The following YWHAQ variants were observed in gnomAD, a reference collection of about 807,000 sequenced individuals.
The protein encoded by YWHAQ is 14-3-3 protein theta.
A neutral mutation model predicts 28.3 loss-of-function variants in YWHAQ; 6 were observed. That is an observed-to-expected ratio of 0.21 (90% CI 0.12 to 0.42). The LOEUF (loss-of-function observed/expected upper bound fraction) is 0.42. Among genes scored for constraint, YWHAQ ranks in the 10% least tolerant of loss-of-function variants. The pLI is 1.00. For synonymous variants in YWHAQ, 143 were observed against 119.1 expected (o/e 1.20, Z -1.31); for missense variants, 201 against 305.6 (o/e 0.66, Z 2.55).
intron 2 of YWHAQ, among the ~76,000 whole-genome samples, chr2:9,601,712 C>A (rs531489517): frequency 6.6e-6 from 1 of 152,156 alleles, no homozygotes; most frequent in South Asian, 2.1e-4. Context: ...GTGGTGTGAT[C>A]TTAGCTCATT....
rs1348748494 is a variant in YWHAQ at position 9,630,932 on chromosome 2, G to A, written c.-83+9C>T. 1.3e-5 allele frequency: 2 copies of A among 152,758 alleles called. No individual in the cohort carries two copies. The highest frequency in any genetic ancestry group is 4.8e-5 in the African/African-American group (2 of 41,456). 9.5% of individuals were successfully genotyped at this position (152,758 alleles called of 1,614,324 possible). On this transcript the variant is annotated intron_variant, in intron 1 of 5. Coordinates refer to ENST00000238081, the MANE Select transcript of YWHAQ (RefSeq NM_006826.4). The surrounding 1 kb of genome is among the most constrained non-coding windows in gnomAD (Gnocchi z 5.6). ...CGGAGGAAGCCCGCGGGCCGACCCA[G>A]GCGCTCACCTTCACGTCTCCGCGGC...
Position 9,600,475 on chromosome 2 carries a change from G to T in YWHAQ, c.295-8960C>A, listed in dbSNP as rs189081994. ...TAATCCCAGCACTTGAGAGGCCCAA[G>T]CGGGCAGATCACCTGAGGTCAGGAG... On this transcript the variant is annotated intron_variant, in intron 2 of 5. Transcript: ENST00000238081. 9.9e-4 allele frequency among the ~76,000 whole-genome samples: 151 copies of T among 152,254 alleles called. 1 individual carries two copies. Among genetic ancestry groups the T allele is most frequent in the African/African-American group, 3.3e-3 (138 of 41,556 alleles).
intron 2 of YWHAQ, among the ~76,000 whole-genome samples, chr2:9,592,241 T>C (rs543427295): frequency 6.6e-6 from 1 of 152,324 alleles, no homozygotes; most frequent in South Asian, 2.1e-4. Context: ...AGAATAATTT[T>C]AGGTCTACGA....
At chr2:9,629,598 C>A (rs1194692196) in intron 2 of YWHAQ, among the ~76,000 whole-genome samples, 1 of 151,910 alleles carries the variant, frequency 6.6e-6, no homozygotes, top group African/African-American at 2.4e-5. Context: ...TCAGATACAG[C>A]TGTGTCCTTT....
chr2:9,611,736 T>C (rs922925620), intron 2 of YWHAQ, among the ~76,000 whole-genome samples: 9 of 152,208 alleles, frequency 5.9e-5, no homozygotes, highest in African/African-American at 2.2e-4. Flanking sequence ...AGTGGTGCGA[T>C]GTCAGCTCAC....
intron 2 of YWHAQ, among the ~76,000 whole-genome samples, chr2:9,615,042 G>A (rs1055985012): frequency 3.3e-5 from 5 of 152,072 alleles, no homozygotes; most frequent in African/African-American, 9.7e-5. Context: ...AGTACATAGA[G>A]GAAAAAATAA....
intron 2 of YWHAQ, among the ~76,000 whole-genome samples, chr2:9,606,911 G>C (rs1157972619): frequency 6.7e-6 from 1 of 149,400 alleles, no homozygotes; most frequent in Non-Finnish European, 1.5e-5. Context: ...TTGAGACAGA[G>C]TCTCACTCTG....
At chr2:9,614,852 C>A (rs1667015086) in intron 2 of YWHAQ, among the ~76,000 whole-genome samples, 1 of 152,114 alleles carries the variant, frequency 6.6e-6, no homozygotes, top group Non-Finnish European at 1.5e-5. Context: ...CCCTTCCTGC[C>A]TCTAGTCTAT....
chr2:9,617,054 G>A (rs927201691), intron 2 of YWHAQ, among the ~76,000 whole-genome samples: 1 of 152,138 alleles, frequency 6.6e-6, no homozygotes, highest in South Asian at 2.1e-4. Flanking sequence ...TCCGCCTCCT[G>A]GGTTCACGCC....
At chr2:9,625,818 G>A (rs1667237988) in intron 2 of YWHAQ, among the ~76,000 whole-genome samples, 1 of 152,184 alleles carries the variant, frequency 6.6e-6, no homozygotes, top group Non-Finnish European at 1.5e-5. Context: ...ACAGAAGAGA[G>A]AGAGTCTGAG....
intron 2 of YWHAQ, among the ~76,000 whole-genome samples, chr2:9,602,845 AAAAAAAAAAAAAAAAAAATATATAT>A (rs1160754012): frequency 2.5e-3 from 77 of 30,990 alleles, no homozygotes; most frequent in Middle Eastern, 0.019. Context: ...AAAAAAAAAA[AAAAAAAAAAAAAAAAAAATATATAT>A]ATATATATAT....
At chr2:9,598,114 G>A (rs1666615929) in intron 2 of YWHAQ, among the ~76,000 whole-genome samples, 1 of 149,930 alleles carries the variant, frequency 6.7e-6, no homozygotes, top group African/African-American at 2.5e-5. Flanking sequence ...TTACAGGCAT[G>A]AGCCACCGCA....
At chr2:9,628,244 C>T (rs922667357) in intron 2 of YWHAQ, among the ~76,000 whole-genome samples, 2 of 152,174 alleles carry the variant, frequency 1.3e-5, no homozygotes, top group Non-Finnish European at 2.9e-5. Flanking sequence ...CTTGGTGTCT[C>T]GGATTCATCA....
intron 2 of YWHAQ, among the ~76,000 whole-genome samples, chr2:9,608,179 A>C (rs770114104): frequency 3.3e-5 from 5 of 152,176 alleles, no homozygotes; most frequent in Non-Finnish European, 5.9e-5. Flanking sequence ...TACGGAGAAT[A>C]CCTCCCTCTT....
At chr2:9,604,530 A>G (rs1228955875) in intron 2 of YWHAQ, among the ~76,000 whole-genome samples, 1 of 152,218 alleles carries the variant, frequency 6.6e-6, no homozygotes, top group Non-Finnish European at 1.5e-5. Flanking sequence ...CCTTGAACAC[A>G]GGTTTGAACT....
At position 9,585,248 on chromosome 2, in the gene YWHAQ, G is replaced by C; in HGVS notation, c.*38C>G. 1 of 1,611,822 alleles carries C rather than the reference G, an allele frequency of 6.2e-7. No individual in the cohort carries two copies. The highest frequency in any genetic ancestry group is 1.3e-5 in the African/African-American group (1 of 74,962). On this transcript the variant is annotated 3_prime_UTR_variant, in exon 6 of 6. Transcript: ENST00000238081. ...ATAAGGAATGGAGATGTGTAAAAAG[G>C]TTTCTTGAAGGAAAGAAGGATGACA...
intron 2 of YWHAQ, among the ~76,000 whole-genome samples, chr2:9,594,970 A>C (rs1666540640): frequency 6.6e-6 from 1 of 152,224 alleles, no homozygotes; most frequent in Non-Finnish European, 1.5e-5. Context: ...GCCACTTATG[A>C]GCTAACCTCT....
intron 4 of YWHAQ, 34 bp from the exon 5 acceptor site, chr2:9,587,543 G>GC (rs778356680): frequency 3.2e-6 from 5 of 1,546,666 alleles, no homozygotes; most frequent in Non-Finnish European, 4.4e-6. Flanking sequence ...TAAAATATGT[G>GC]CATTGACGAA....
intron 5 of YWHAQ, among the ~76,000 whole-genome samples, chr2:9,585,805 CA>C (rs1286881744): frequency 6.6e-6 from 1 of 151,178 alleles, no homozygotes; most frequent in Non-Finnish European, 1.5e-5. Flanking sequence ...CCTAACTACT[CA>C]GGAGGCTGAG....
Sources: allele counts gnomAD v4.1 joint callset (sites outside exome capture counted in the v4.1 genomes callset), GRCh38; gene constraint gnomAD v4.1.1; non-coding constraint Gnocchi (gnomAD v3.1); transcripts MANE v1.5; gene names NCBI Gene and HGNC (gene_info 2026-07-23, HGNC 2026-07-21).